MYO3B: variants seen among roughly 807,000 people sequenced by gnomAD.
The protein encoded by MYO3B is myosin IIIB, also known as myosin-IIIb.
Under a neutral mutation model 174.6 loss-of-function variants are expected in MYO3B, and 156 were observed. The ratio of observed to expected loss-of-function variants is 0.89; its 90% CI spans 0.78 to 1.02. The LOEUF is 1.02. Among genes scored for constraint, MYO3B ranks in the 50% least tolerant of loss-of-function variants. The pLI is 0.00. For synonymous variants in MYO3B, 563 were observed against 569.1 expected, an observed-to-expected ratio of 0.99 and a Z score of 0.15; for missense variants, 1,632 against 1,639.4, an observed-to-expected ratio of 1.00 and a Z score of 0.08.
chr2:170,464,116 C>G (rs2105961546), intron 24 of MYO3B, among the ~76,000 whole-genome samples: 1 of 152,238 alleles, frequency 6.6e-6, no homozygotes, highest in African/African-American at 2.4e-5. Flanking sequence ...TTTTGGGAGG[C>G]TGAGGCAGGC....
chr2:170,190,993 G>A (rs572524276), intron 1 of MYO3B, among the ~76,000 whole-genome samples: 7 of 152,044 alleles, frequency 4.6e-5, no homozygotes, highest in Middle Eastern at 3.4e-3. Context: ...CCCAAGGCCC[G>A]CTGCAAATAC....
intron 7 of MYO3B, among the ~76,000 whole-genome samples, chr2:170,251,809 G>C (rs2093256564): frequency 6.6e-6 from 1 of 152,188 alleles, no homozygotes. Flanking sequence ...CATTGCTCTG[G>C]AAAGGGTCTA....
At chr2:170,499,024 G>A (rs1468329325) in intron 26 of MYO3B, among the ~76,000 whole-genome samples, 1 of 152,216 alleles carries the variant, frequency 6.6e-6, no homozygotes, top group African/African-American at 2.4e-5. Flanking sequence ...ATTAACGGCA[G>A]TGATGAGTTT....
At chr2:170,389,470 T>G (rs1408974301) in intron 14 of MYO3B, among the ~76,000 whole-genome samples, 1 of 152,210 alleles carries the variant, frequency 6.6e-6, no homozygotes, top group Non-Finnish European at 1.5e-5. Context: ...TTTATTGAGT[T>G]AAGCTACTAA....
intron 32 of MYO3B, among the ~76,000 whole-genome samples, chr2:170,647,674 A>G (rs1698486202): frequency 6.6e-6 from 1 of 152,262 alleles, no homozygotes; most frequent in African/African-American, 2.4e-5. Flanking sequence ...ATTAGACACC[A>G]ACAGTTGTTT....
intron 7 of MYO3B, among the ~76,000 whole-genome samples, chr2:170,269,715 AT>A (rs1263902454): frequency 1.3e-5 from 2 of 152,204 alleles, no homozygotes; most frequent in African/African-American, 4.8e-5. Flanking sequence ...TGGCCAAACA[AT>A]TAGGATATAT....
intron 34 of MYO3B, 74 bp from the exon 35 acceptor site, chr2:170,652,909 T>G: frequency 6.4e-7 from 1 of 1,563,508 alleles, no homozygotes; most frequent in Non-Finnish European, 8.8e-7. Flanking sequence ...CTCACATGAC[T>G]TTAGCTGCCC....
chr2:170,366,442 A>T (rs1393694345), intron 8 of MYO3B, among the ~76,000 whole-genome samples: 1 of 151,892 alleles, frequency 6.6e-6, no homozygotes, highest in Admixed American at 6.6e-5. Flanking sequence ...CTGGGACTAC[A>T]GGTGTGCTCT....
At chr2:170,466,836 CCATTTACTTGCTTGAATGTTGCAT>C in intron 25 of MYO3B, 125 bp downstream of exon 25, 1 of 961,756 alleles carries the variant, frequency 1.0e-6, no homozygotes, top group Non-Finnish European at 1.5e-6. Context: ...TTGCCAGCTA[CCATTTACTTGCTTGAATGTTGCAT>C]TTTTATTGTG....
At chr2:170,646,592 C>T (rs914984220) in intron 32 of MYO3B, among the ~76,000 whole-genome samples, 3 of 152,068 alleles carry the variant, frequency 2.0e-5, no homozygotes, top group Admixed American at 6.6e-5. Context: ...GATGGCACTT[C>T]GCCATGTTGC....
intron 22 of MYO3B, among the ~76,000 whole-genome samples, chr2:170,427,332 C>G (rs989157042): frequency 1.3e-5 from 2 of 152,134 alleles, no homozygotes; most frequent in Non-Finnish European, 2.9e-5. Context: ...TTTAGAAAGT[C>G]TTTTTGAAAT....
rs781265449 is a variant in MYO3B at position 170,401,592 on chromosome 2, C to T, written c.2030C>T (p.Ala677Val). ...CGTGCCAACACTGTAGACAGGGCTG[C>T]GGACGTTCGAGACGCCATGTCCAAA... ...IIRANTVDRA[A>V]DVRDAMSKAL... Residue 677 changes from alanine (A) to valine (V), a missense_variant, in exon 18 of 35, where the codon GCG (alanine) becomes GTG (valine). Physicochemically the swap from Ala to Val is moderately conservative, Grantham distance 64 (BLOSUM62 0). Transcript: ENST00000408978. 9.9e-6 allele frequency: 16 copies of T among 1,614,076 alleles called. No homozygotes were observed. Among genetic ancestry groups the T allele is most frequent in the Admixed American group, 6.7e-5 (4 of 60,020 alleles).
At chr2:170,513,710 G>A (rs945460970) in intron 28 of MYO3B, among the ~76,000 whole-genome samples, 14 of 152,010 alleles carry the variant, frequency 9.2e-5, no homozygotes, top group Non-Finnish European at 1.6e-4. Context: ...TTCTGTATTC[G>A]AATGTGAGCT....
At chr2:170,529,242 G>A (rs1380904531) in intron 30 of MYO3B, among the ~76,000 whole-genome samples, 5 of 151,992 alleles carry the variant, frequency 3.3e-5, no homozygotes, top group African/African-American at 1.2e-4. Flanking sequence ...CAGAGAAAAT[G>A]ATTATTGGGT....
chr2:170,466,809 A>C, intron 25 of MYO3B, 98 bp downstream of exon 25: 1 of 1,258,848 alleles, frequency 7.9e-7, no homozygotes, highest in Non-Finnish European at 1.1e-6. Context: ...CTCTCCTCCA[A>C]ACATGTAATT....
intron 30 of MYO3B, chr2:170,524,732 C>T: frequency 3.2e-6 from 1 of 309,084 alleles, no homozygotes; most frequent in South Asian, 2.5e-5. Context: ...CGATTCGTCC[C>T]CCTCAGGCTC....
intron 32 of MYO3B, among the ~76,000 whole-genome samples, chr2:170,640,009 T>C (rs1370832314): frequency 6.6e-6 from 1 of 152,212 alleles, no homozygotes; most frequent in African/African-American, 2.4e-5. Flanking sequence ...GTCCAGTGAA[T>C]ACTTCCCTGA....
intron 6 of MYO3B, among the ~76,000 whole-genome samples, chr2:170,219,112 TC>T (rs2092863117): frequency 6.6e-6 from 1 of 152,212 alleles, no homozygotes; most frequent in Non-Finnish European, 1.5e-5. Context: ...GGAAAATTCC[TC>T]CTTAATTGAC....
At chr2:170,196,499 G>C (rs561111937) in intron 1 of MYO3B, among the ~76,000 whole-genome samples, 2 of 152,314 alleles carry the variant, frequency 1.3e-5, no homozygotes, top group East Asian at 1.9e-4. Context: ...CTGGGTGACA[G>C]AGTGAGAGCC....
Sources: gnomAD v4.1 joint callset for allele counts (sites outside exome capture counted in the v4.1 genomes callset) on GRCh38, gnomAD v4.1.1 for gene constraint, MANE v1.5 for transcripts, NCBI Gene and HGNC (gene_info 2026-07-23, HGNC 2026-07-21) for gene names.